Variants in NCKAP5 observed in about 807,000 individuals in gnomAD.
NCKAP5 encodes NCK associated protein 5.
A neutral mutation model predicts 167.0 loss-of-function variants in NCKAP5; 92 were observed. The observed-to-expected ratio is 0.55, with a 90% CI of 0.47 to 0.66. The LOEUF (loss-of-function observed/expected upper bound fraction) is 0.66, where lower values mean the gene tolerates loss of function less well. Ranked by LOEUF, NCKAP5 falls within the 30% of genes least tolerant of loss-of-function variation. The probability of loss-of-function intolerance (pLI) is 0.00; values close to 1 mark genes in which losing one functional copy is unlikely to be tolerated. For missense variants in NCKAP5, 2,378 were observed against 2,315.0 expected, an observed-to-expected ratio of 1.03 and a Z score of -0.56; for synonymous variants, 891 against 877.4, an observed-to-expected ratio of 1.02 and a Z score of -0.27.
At chr2:133,185,300 A>G (rs1253886605) in intron 5 of NCKAP5, among the ~76,000 whole-genome samples, 1 of 151,914 alleles carries the variant, frequency 6.6e-6, no homozygotes, top group Non-Finnish European at 1.5e-5. Flanking sequence ...AGTGTTTTCT[A>G]TTCTTTCTCA....
intron 15 of NCKAP5, among the ~76,000 whole-genome samples, chr2:132,780,522 C>A (rs947933584): frequency 3.9e-5 from 6 of 152,104 alleles, no homozygotes; most frequent in Admixed American, 3.9e-4. Flanking sequence ...TGATAGGGAG[C>A]CAAGTTCCAA....
intron 11 of NCKAP5, among the ~76,000 whole-genome samples, chr2:132,799,327 T>C (rs890298060): frequency 6.6e-6 from 1 of 151,904 alleles, no homozygotes; most frequent in South Asian, 2.1e-4. Flanking sequence ...TGATGGGACC[T>C]GCATCCAAAA....
At chr2:132,713,080 C>T (rs979398192) in intron 19 of NCKAP5, among the ~76,000 whole-genome samples, 7 of 151,138 alleles carry the variant, frequency 4.6e-5, no homozygotes, top group African/African-American at 1.7e-4. Flanking sequence ...GGATAGTGTA[C>T]ACAGTGTGCT....
intron 3 of NCKAP5, among the ~76,000 whole-genome samples, chr2:133,450,724 C>A (rs1377817981): frequency 6.6e-6 from 1 of 152,128 alleles, no homozygotes; most frequent in East Asian, 1.9e-4. Context: ...AGCTCCAAGG[C>A]CACAAAAGAG....
At chr2:132,852,351 T>G (rs1689141900) in intron 11 of NCKAP5, among the ~76,000 whole-genome samples, 1 of 152,238 alleles carries the variant, frequency 6.6e-6, no homozygotes, top group Non-Finnish European at 1.5e-5. Context: ...TTGATTTATG[T>G]TCAGGGTTTG....
chr2:133,266,889 G>T (rs2089261017), intron 4 of NCKAP5, among the ~76,000 whole-genome samples: 1 of 152,148 alleles, frequency 6.6e-6, no homozygotes, highest in South Asian at 2.1e-4. Flanking sequence ...GGGCGGCTCG[G>T]CTTGCGCTCT....
At position 133,100,602 on chromosome 2, in the gene NCKAP5, C is replaced by A. The variant is rs185493691; in HGVS notation, c.341+29376G>T. On this transcript the variant is annotated intron_variant, in intron 6 of 19. Coordinates refer to ENST00000409261, the MANE Select transcript of NCKAP5 (RefSeq NM_207363.3). The stretch of plus-strand genomic sequence containing the variant: ...CAAAAAAGTAAAAATTGGGTTGTAG[C>A]AACAGCGTAAGAAATCCTTTTTGGT... Among the ~76,000 whole-genome samples, 581 of 152,244 alleles carry A rather than the reference C, an allele frequency of 3.8e-3. 3 individuals carry two copies. The highest frequency in any genetic ancestry group is 0.012 in the African/African-American group (515 of 41,538).
At chr2:133,344,370 T>G (rs1331693592) in intron 3 of NCKAP5, among the ~76,000 whole-genome samples, 2 of 145,816 alleles carry the variant, frequency 1.4e-5, no homozygotes, top group African/African-American at 5.2e-5. Context: ...ATTGCACCAC[T>G]GCACTCCAGC....
rs74435787 is a variant in NCKAP5 at position 132,859,034 on chromosome 2, C to G, written c.807+1458G>C. On this transcript the variant is annotated intron_variant, in intron 11 of 19. Transcript: ENST00000409261. ...TGATGATGAGATTGCAAAAGAAACA[C>G]AATTTTTTATAAATGCAAGATCCCC... 2.5e-3 allele frequency among the ~76,000 whole-genome samples: 374 copies of G among 152,112 alleles called. 4 individuals are homozygous for G. Among genetic ancestry groups the G allele is most frequent in the African/African-American group, 8.3e-3 (345 of 41,518 alleles).
At chr2:133,358,435 C>G (rs1346773458) in intron 3 of NCKAP5, among the ~76,000 whole-genome samples, 1 of 151,990 alleles carries the variant, frequency 6.6e-6, no homozygotes, top group Non-Finnish European at 1.5e-5. Flanking sequence ...CAACAAAAAG[C>G]CAGGGTATGG....
chr2:133,064,894 T>A (rs1001839384), intron 6 of NCKAP5, among the ~76,000 whole-genome samples: 4 of 152,232 alleles, frequency 2.6e-5, no homozygotes, highest in Non-Finnish European at 2.9e-5. Context: ...TTAAAGTGAA[T>A]GGACTACTCC....
chr2:133,102,137 G>GTT (rs5834344), intron 6 of NCKAP5, among the ~76,000 whole-genome samples: 14 of 151,826 alleles, frequency 9.2e-5, no homozygotes, highest in African/African-American at 1.4e-4. Context: ...TTTTTTCTTT[G>GTT]TTTTTTTTGT....
chr2:133,025,400 C>T (rs1451128336), intron 6 of NCKAP5, among the ~76,000 whole-genome samples: 10 of 152,170 alleles, frequency 6.6e-5, no homozygotes, highest in South Asian at 4.1e-4. Flanking sequence ...GAGAAAACTA[C>T]GATCATGTCA....
chr2:132,968,773 C>T (rs2076740387), intron 7 of NCKAP5, among the ~76,000 whole-genome samples: 1 of 152,096 alleles, frequency 6.6e-6, no homozygotes, highest in African/African-American at 2.4e-5. Flanking sequence ...AGGCAATTTT[C>T]TCAGATGCTC....
At position 133,008,743 on chromosome 2, in the gene NCKAP5, GAAA is replaced by G. The variant is rs574448678; in HGVS notation, c.342-14507_342-14505del. On this transcript the variant is annotated intron_variant, in intron 6 of 19. Transcript: ENST00000409261. Reference sequence around the variant, plus strand: ...TAATAGGTCAAACTAAAAACTGGGGGAAAAAAAGTCAATTTAAAAGGCTGCCTC... The same window carrying G: ...TAATAGGTCAAACTAAAAACTGGGGGAAAAGTCAATTTAAAAGGCTGCCTC... 2.0e-5 allele frequency among the ~76,000 whole-genome samples: 3 copies of G among 151,910 alleles called. No homozygotes were observed. In the South Asian group the frequency reaches 6.2e-4, roughly 32 times the overall value.
intron 13 of NCKAP5, 90 bp from the exon 14 acceptor site, chr2:132,785,808 G>T: frequency 9.4e-6 from 10 of 1,068,424 alleles, no homozygotes; most frequent in Non-Finnish European, 1.2e-5. Flanking sequence ...CTTAATTTGT[G>T]CTAGTGGTTG....
At chr2:133,139,514 C>T (rs2082918889) in intron 5 of NCKAP5, among the ~76,000 whole-genome samples, 2 of 152,122 alleles carry the variant, frequency 1.3e-5, no homozygotes, top group South Asian at 4.1e-4. Context: ...AATGATATTG[C>T]ACATTACACA....
chr2:133,435,259 G>T (rs1690401762), intron 3 of NCKAP5, among the ~76,000 whole-genome samples: 1 of 152,152 alleles, frequency 6.6e-6, no homozygotes, highest in Non-Finnish European at 1.5e-5. Flanking sequence ...TAATCTCCAG[G>T]ACATCTGAAA....
intron 3 of NCKAP5, among the ~76,000 whole-genome samples, chr2:133,480,437 C>A (rs931880400): frequency 1.3e-5 from 2 of 152,142 alleles, no homozygotes; most frequent in Admixed American, 6.5e-5. Flanking sequence ...GGTAACAGCA[C>A]CCTTCCTGTT....
Sources: gnomAD v4.1 joint callset for allele counts (sites outside exome capture counted in the v4.1 genomes callset) on GRCh38, gnomAD v4.1.1 for gene constraint, MANE v1.5 for transcripts, NCBI Gene and HGNC (gene_info 2026-07-23, HGNC 2026-07-21) for gene names.